The following FCN1 variants were observed in gnomAD, a reference collection of about 807,000 sequenced individuals.
FCN1 encodes the protein ficolin 1.
Under a neutral mutation model 35.6 loss-of-function variants are expected in FCN1, and 42 were observed. That is an observed-to-expected ratio of 1.18 (90% confidence interval 0.92 to 1.53). FCN1 has a LOEUF of 1.53. Ranked by LOEUF, FCN1 falls within the 40% of genes most tolerant of loss-of-function variation. FCN1 has a pLI of 0.00. For missense variants in FCN1, 439 were observed against 428.4 expected (o/e 1.02, Z -0.22); for synonymous variants, 179 against 169.8 (o/e 1.05, Z -0.42).
chr9:134,912,736 G>C, intron 6 of FCN1, 121 bp from the exon 7 acceptor site: 1 of 1,352,628 alleles, frequency 7.4e-7, no homozygotes. Context: ...GGTGCCACAC[G>C]CACGCCCATC....
rs1342553680 is a variant in FCN1 at position 134,907,851 on chromosome 9, A to T, written c.*1947T>A. On this transcript the variant is annotated 3_prime_UTR_variant, in exon 9 of 9. Coordinates refer to ENST00000371806, the MANE Select transcript of FCN1 (RefSeq NM_002003.5). ...TTTTTTAACATCCATTCTCTTCCTG[A>T]TGGGTATGTCGGCTGATTCCAGTTT... 1 of 152,018 alleles carries T rather than the reference A, an allele frequency of 6.6e-6. No individual in the cohort carries two copies. Among genetic ancestry groups the T allele is most frequent in the Non-Finnish European group, 1.5e-5 (1 of 68,028 alleles). 9.4% of individuals were successfully genotyped at this position (152,018 alleles called of 1,614,324 possible).
intron 6 of FCN1, 52 bp downstream of exon 6, chr9:134,912,963 GC>G: frequency 6.3e-7 from 1 of 1,585,998 alleles, no homozygotes; most frequent in East Asian, 2.3e-5. Flanking sequence ...CAGGTGTGCA[GC>G]CTGGCCTCCG....
At position 134,904,599 on chromosome 9, in the gene FCN1, C is replaced by T. The variant is rs555467118; in HGVS notation, c.*5199G>A. Among the ~76,000 whole-genome samples, 42 of 151,928 alleles carry T rather than the reference C, an allele frequency of 2.8e-4. No homozygotes were observed. The highest frequency in any genetic ancestry group is 4.0e-4 in the Non-Finnish European group (27 of 67,970). ...TTCAAGAGCAGCCTGGCTAACATGG[C>T]GAAACCCCATCTCTACCAAAAAATA... On this transcript the variant is annotated 3_prime_UTR_variant, in exon 9 of 9. Transcript: ENST00000371806.
rs1830951720 is a variant in FCN1 at position 134,905,924 on chromosome 9, TCCCTC to T, written c.*3869_*3873del. 3 of 109,140 alleles carry T rather than the reference TCCCTC, an allele frequency of 2.7e-5. No homozygotes were observed. Among genetic ancestry groups the T allele is most frequent in the African/African-American group, 5.3e-5 (1 of 18,798 alleles). The allele number at this position is 109,140 out of a possible 1,614,324, so 6.8% of individuals were successfully genotyped here. A position where few individuals can be genotyped will look rare whatever the true frequency, so the allele number is the denominator to read the frequency against. On this transcript the variant is annotated 3_prime_UTR_variant, in exon 9 of 9. Coordinates refer to ENST00000371806, the MANE Select transcript of FCN1 (RefSeq NM_002003.5). ...CTTCTTCTTCTTCTTCTTCTTCTTC[TCCCTC>T]TCCCTCTCCCTCTCCCTCTCCCTCT...
At position 134,904,636 on chromosome 9, in the gene FCN1, C is replaced by G. The variant is rs7042814; in HGVS notation, c.*5162G>C. ...TCTACCAAAAAATACAAAAATTAGC[C>G]CAGCGTAGTGGTGCACACCTGTAGT... On this transcript the variant is annotated 3_prime_UTR_variant, in exon 9 of 9. Transcript: ENST00000371806. Among the ~76,000 whole-genome samples, 4,514 of 151,996 alleles carry G rather than the reference C, an allele frequency of 0.03. 193 individuals are homozygous for G. The highest frequency in any genetic ancestry group is 0.1 in the South Asian group (499 of 4,812).
At chr9:134,913,775 G>A (rs1404762500) in intron 4 of FCN1, among the ~76,000 whole-genome samples, 162 bp from the exon 5 acceptor site, 1 of 152,322 alleles carries the variant, frequency 6.6e-6, no homozygotes, top group East Asian at 1.9e-4. Context: ...GGCCAGACTC[G>A]ACTTCCCCAG....
In FCN1 at chr9:134,908,904, C is replaced by T; in HGVS notation, c.*894G>A. On this transcript the variant is annotated 3_prime_UTR_variant, in exon 9 of 9. Coordinates refer to ENST00000371806, the MANE Select transcript of FCN1 (RefSeq NM_002003.5). ...CGCACGTTGATTCTGCCCCTCTGGC[C>T]TTCCTTTGGTTCCCTTAGTGTCCTT... 4.4e-6 allele frequency: 1 copy of T among 229,580 alleles called. No homozygotes were observed. Among genetic ancestry groups the T allele is most frequent in the Non-Finnish European group, 8.8e-6 (1 of 114,048 alleles). The allele number at this position is 229,580 out of a possible 1,614,324, so 14.2% of individuals were successfully genotyped here. A position where few individuals can be genotyped will look rare whatever the true frequency, so the allele number is the denominator to read the frequency against.
chr9:134,910,088 C>T (rs756688170), intron 8 of FCN1, 43 bp from the exon 9 acceptor site: 4 of 1,578,558 alleles, frequency 2.5e-6, no homozygotes, highest in Non-Finnish European at 3.5e-6. Flanking sequence ...TGGAAAAAGC[C>T]CTGCCACTGT....
chr9:134,909,252 A>T lies in FCN1; in HGVS notation c.*546T>A. On this transcript the variant is annotated 3_prime_UTR_variant, in exon 9 of 9. Coordinates refer to ENST00000371806, the MANE Select transcript of FCN1 (RefSeq NM_002003.5). ...GAACTCTGCCGTGGTGGGAAGCAGA[A>T]AAGTTCCTACTAAACTTTCCCCCTT... 7.8e-7 allele frequency: 1 copy of T among 1,289,762 alleles called. No homozygotes were observed. The highest frequency in any genetic ancestry group is 1.0e-6 in the Non-Finnish European group (1 of 988,878). The allele number at this position is 1,289,762 out of a possible 1,614,324, so 79.9% of individuals were successfully genotyped here.
At chr9:134,913,375 A>G (rs1831050910) in intron 5 of FCN1, among the ~76,000 whole-genome samples, 1 of 152,140 alleles carries the variant, frequency 6.6e-6, no homozygotes, top group African/African-American at 2.4e-5. Flanking sequence ...CCTCCTGGGC[A>G]CCCGGCCTTC....
intron 6 of FCN1, 143 bp from the exon 7 acceptor site, chr9:134,912,758 C>T (rs932816911): frequency 2.5e-6 from 3 of 1,219,200 alleles, no homozygotes; most frequent in African/African-American, 1.5e-5. Context: ...GGTCTCCTCA[C>T]AGACTCCACA....
At chr9:134,910,112 C>T in intron 8 of FCN1, 67 bp from the exon 9 acceptor site, 2 of 1,422,316 alleles carry the variant, frequency 1.4e-6, no homozygotes, top group Middle Eastern at 3.5e-4. Flanking sequence ...ACCCTCACCA[C>T]ATCCTGCCTC....
rs1830940589 is a variant in FCN1, at chr9:134,905,822, T to TTCTTCTTCC, written c.*3975_*3976insGGAAGAAGA. The TTCTTCTTCC allele has an allele frequency of 5.3e-5, 2 of 37,978 alleles. 1 individual carries two copies. The highest frequency in any genetic ancestry group is 4.9e-4 in the Admixed American group (2 of 4,106). The allele number at this position is 37,978 out of a possible 1,614,324, so 2.4% of individuals were successfully genotyped here. ...CTTCTTCTTCTTCCTCTTCTTCTTC[T>TTCTTCTTCC]TCTTCCTCTTCCTCTTCCTCTTCCT... On this transcript the variant is annotated 3_prime_UTR_variant, in exon 9 of 9. Transcript: ENST00000371806.
rs746441872 is a variant in FCN1 at position 134,912,499 on chromosome 9, GGCGTGGAT to G, written c.577_584del (p.Ile193ProfsTer17). 1 of 1,614,016 alleles carries G rather than the reference GGCGTGGAT, an allele frequency of 6.2e-7. No homozygotes were observed. The highest frequency in any genetic ancestry group is 1.7e-5 in the Admixed American group (1 of 60,018). On this transcript the variant is annotated frameshift_variant, in exon 7 of 9. Transcript: ENST00000371806. LOFTEE classifies it high-confidence loss of function. ...CAGTGGCCCTACCCTGGGCAGTCAGGGCGTGGATGTTGTCATTCCCCAGCCAGAACTCC... is the reference window on the plus strand; with the variant it reads ...CAGTGGCCCTACCCTGGGCAGTCAGGGTTGTCATTCCCCAGCCAGAACTCC...
At chr9:134,912,106 G>GGCGTGGGCTGGAGGAGGCGA (rs1831030354) in intron 7 of FCN1, among the ~76,000 whole-genome samples, 1 of 152,222 alleles carries the variant, frequency 6.6e-6, no homozygotes, top group African/African-American at 2.4e-5. Flanking sequence ...GGCCTGCTGA[G>GGCGTGGGCTGGAGGAGGCGA]GCGTGGGCTG....
In FCN1 at chr9:134,913,602, G is replaced by A; in HGVS notation, c.319C>T (p.Gln107Ter). 1.2e-6 allele frequency: 2 copies of A among 1,606,760 alleles called. No homozygotes were observed. The highest frequency in any genetic ancestry group is 2.2e-5 in the East Asian group (1 of 44,792). Residue 107 changes from glutamine (Q) to a stop codon, truncating the protein, a stop_gained, in exon 5 of 9, where the codon CAG becomes TAG. Coordinates refer to ENST00000371806, the MANE Select transcript of FCN1 (RefSeq NM_002003.5). LOFTEE classifies it high-confidence loss of function. The part of the protein sequence containing the change: ...GMRGEKGDAG[Q>*]SQSCATGPRN... Reference sequence around the variant, plus strand: ...TCACCTGTCGCACACGACTGAGACTGCCCAGCGTCTCCTGTGTGGGGAGAG... The same window carrying A: ...TCACCTGTCGCACACGACTGAGACTACCCAGCGTCTCCTGTGTGGGGAGAG...
chr9:134,917,911 AC>A lies in FCN1; in HGVS notation c.-41del. The A allele has an allele frequency of 6.9e-7, 1 of 1,450,246 alleles. No individual in the cohort carries two copies. The highest frequency in any genetic ancestry group is 9.7e-7 in the Non-Finnish European group (1 of 1,031,464). The allele number at this position is 1,450,246 out of a possible 1,614,324, so 89.8% of individuals were successfully genotyped here. Reference sequence around the variant, plus strand: ...GACTCTGAAGAGTCCCCCAGCTCTAACAGGGCAGAGGAAACCAGCTCTCGCC... The same window carrying A: ...GACTCTGAAGAGTCCCCCAGCTCTAAAGGGCAGAGGAAACCAGCTCTCGCC... On this transcript the variant is annotated 5_prime_UTR_variant, in exon 1 of 9. Transcript: ENST00000371806.
rs1024912507 is a variant in FCN1 at position 134,905,727 on chromosome 9, G to A, written c.*4071C>T. Among the ~76,000 whole-genome samples, 19 of 151,114 alleles carry A rather than the reference G, an allele frequency of 1.3e-4. No individual in the cohort carries two copies. Among genetic ancestry groups the A allele is most frequent in the Admixed American group, 2.6e-4 (4 of 15,186 alleles). ...TCTTGATCTCCTGACCTTGTGATCCGCCCGCCTCGGCCTCCCAAAGTGCTG... is the reference window on the plus strand; with the variant it reads ...TCTTGATCTCCTGACCTTGTGATCCACCCGCCTCGGCCTCCCAAAGTGCTG... On this transcript the variant is annotated 3_prime_UTR_variant, in exon 9 of 9. Transcript: ENST00000371806.
At position 134,904,204 on chromosome 9, in the gene FCN1, C is replaced by A. The variant is rs1276747243; in HGVS notation, c.*5594G>T. 6.6e-6 allele frequency among the ~76,000 whole-genome samples: 1 copy of A among 152,084 alleles called. No individual in the cohort carries two copies. The highest frequency in any genetic ancestry group is 1.5e-5 in the Non-Finnish European group (1 of 68,024). ...ATTCAGAGAAAGTCTCATCCAGGCA[C>A]CTTGTAGTAAAACTATCAAGGCAAA... On this transcript the variant is annotated 3_prime_UTR_variant, in exon 9 of 9. Transcript: ENST00000371806.
Sources: allele counts gnomAD v4.1 joint callset (sites outside exome capture counted in the v4.1 genomes callset), GRCh38; gene constraint gnomAD v4.1.1; transcripts MANE v1.5; gene names NCBI Gene and HGNC (gene_info 2026-07-23, HGNC 2026-07-21).